NPAS3: variants seen among roughly 807,000 people sequenced by gnomAD.
NPAS3 encodes neuronal PAS domain protein 3.
A neutral mutation model predicts 73.1 loss-of-function variants in NPAS3; 14 were observed. That is an observed-to-expected ratio of 0.19 (90% CI 0.13 to 0.30). The LOEUF (loss-of-function observed/expected upper bound fraction) is 0.30. Among genes scored for constraint, NPAS3 ranks in the 10% least tolerant of loss-of-function variants. NPAS3 has a pLI of 1.00. For synonymous variants in NPAS3, 620 were observed against 541.5 expected, an observed-to-expected ratio of 1.14 and a Z score of -2.01; for missense variants, 1,096 against 1,250.0, an observed-to-expected ratio of 0.88 and a Z score of 1.86.
At chr14:33,577,462 C>T (rs757446261) in intron 5 of NPAS3, among the ~76,000 whole-genome samples, 1 of 152,116 alleles carries the variant, frequency 6.6e-6, no homozygotes, top group Non-Finnish European at 1.5e-5. Context: ...TTTCAGAGCA[C>T]GTTCCTATAC....
rs1326718502 is a variant in NPAS3, at chr14:33,069,047, T to C, written c.140+13053T>C. 2.6e-5 allele frequency among the ~76,000 whole-genome samples: 4 copies of C among 152,072 alleles called. No homozygotes were observed. In the South Asian group the frequency reaches 6.2e-4, roughly 24 times the overall value. Reference sequence around the variant, plus strand: ...GAGACCTAACTGATTTTAGTATCAGTCTAGTTACTGGCTGAGCATATGCTT... The same window carrying C: ...GAGACCTAACTGATTTTAGTATCAGCCTAGTTACTGGCTGAGCATATGCTT... On this transcript the variant is annotated intron_variant, in intron 2 of 11. Transcript: ENST00000356141.
intron 2 of NPAS3, among the ~76,000 whole-genome samples, chr14:33,198,967 C>T (rs1396556011): frequency 6.6e-6 from 1 of 152,216 alleles, no homozygotes; most frequent in Non-Finnish European, 1.5e-5. Flanking sequence ...GTCTCTGCAG[C>T]TGCTGGCCCA....
At chr14:33,211,300 G>C (rs28589897) in intron 2 of NPAS3, among the ~76,000 whole-genome samples, 32,313 of 152,126 alleles carry the variant, frequency 0.21, 3,862 homozygotes, top group South Asian at 0.38. Context: ...TAGACATTAG[G>C]CTGGGCGTGG....
At chr14:33,495,084 A>G (rs2052104675) in intron 4 of NPAS3, among the ~76,000 whole-genome samples, 2 of 152,030 alleles carry the variant, frequency 1.3e-5, no homozygotes, top group Admixed American at 1.3e-4. Context: ...TCGATTTTAG[A>G]TCTTTCCTGC....
chr14:33,169,150 C>G (rs745995208), intron 2 of NPAS3, among the ~76,000 whole-genome samples: 1 of 152,172 alleles, frequency 6.6e-6, no homozygotes, highest in Admixed American at 6.5e-5. Context: ...ATAGCTTTTC[C>G]TTTTTTCTAA....
chr14:33,080,098 AT>A (rs2041817914), intron 2 of NPAS3, among the ~76,000 whole-genome samples: 2 of 151,934 alleles, frequency 1.3e-5, no homozygotes, highest in South Asian at 4.2e-4. Context: ...GTCCAATCTG[AT>A]TTTTATTTTA....
chr14:33,733,655 T>C (rs1161242729), intron 6 of NPAS3, among the ~76,000 whole-genome samples: 1 of 152,192 alleles, frequency 6.6e-6, no homozygotes, highest in Non-Finnish European at 1.5e-5. Context: ...AAAAATTTCA[T>C]AGTAATTCAT....
intron 1 of NPAS3, among the ~76,000 whole-genome samples, chr14:32,987,823 G>C (rs182337426): frequency 6.6e-4 from 100 of 151,964 alleles, no homozygotes; most frequent in Non-Finnish European, 4.1e-4. Flanking sequence ...ACTCTTCTTA[G>C]CTATTACCAT....
intron 6 of NPAS3, among the ~76,000 whole-genome samples, chr14:33,678,754 G>GAA (rs33960834): frequency 0.025 from 3,624 of 146,296 alleles, 121 homozygotes; most frequent in East Asian, 0.081. Flanking sequence ...GACTTTGGGA[G>GAA]AAAAAAAAAA....
intron 2 of NPAS3, among the ~76,000 whole-genome samples, chr14:33,116,015 A>G (rs933073027): frequency 2.0e-5 from 3 of 152,118 alleles, no homozygotes; most frequent in Non-Finnish European, 4.4e-5. Context: ...ATTATTTGCA[A>G]TACACAGATG....
intron 4 of NPAS3, among the ~76,000 whole-genome samples, chr14:33,380,184 G>C (rs1009207707): frequency 5.9e-5 from 9 of 152,100 alleles, no homozygotes; most frequent in African/African-American, 2.2e-4. Flanking sequence ...AGGAACAGCT[G>C]ATTTTAAGAG....
At chr14:33,405,980 T>A (rs902408099) in intron 4 of NPAS3, among the ~76,000 whole-genome samples, 12 of 152,098 alleles carry the variant, frequency 7.9e-5, no homozygotes, top group African/African-American at 2.4e-4. Flanking sequence ...AATTTTTTTT[T>A]AAAAGGAACA....
chr14:33,536,583 T>A (rs778330057), intron 4 of NPAS3, among the ~76,000 whole-genome samples: 1 of 152,160 alleles, frequency 6.6e-6, no homozygotes, highest in Non-Finnish European at 1.5e-5. Context: ...AATGGGAGAT[T>A]CAAGGCTAAA....
intron 3 of NPAS3, among the ~76,000 whole-genome samples, chr14:33,331,767 T>G (rs1434973259): frequency 6.6e-6 from 1 of 152,220 alleles, no homozygotes; most frequent in Admixed American, 6.5e-5. Context: ...TTTTTGACTC[T>G]TCAGAGAGAC....
At position 33,470,931 on chromosome 14, in the gene NPAS3, T is replaced by C. The variant is rs61974983; in HGVS notation, c.469-89190T>C. ...GCTGATGCGGGATTTGTAGAGCATA[T>C]TTAAAAAAAAAAAAAAAGAATGTTC... On this transcript the variant is annotated intron_variant, in intron 4 of 11. Transcript: ENST00000356141. 4.1e-3 allele frequency among the ~76,000 whole-genome samples: 411 copies of C among 100,312 alleles called. 10 individuals carry two copies. The highest frequency in any genetic ancestry group is 0.034 in the Admixed American group (363 of 10,622). 65.8% of individuals were successfully genotyped at this position (100,312 alleles called of 152,430 possible).
Position 33,799,933 on chromosome 14 carries a change from G to C in NPAS3, c.1626G>C (p.Ala542=), listed in dbSNP as rs201719983. The change falls in exon 12 of 12, where the codon GCG becomes GCC. Residue 542 remains alanine, a synonymous_variant. Transcript: ENST00000356141. ...ACTCGGACTTTGAGAACCCCAAGGCGGGCGAGGACGGCTTCGGTGCTCTGG... is the reference window on the plus strand; with the variant it reads ...ACTCGGACTTTGAGAACCCCAAGGCCGGCGAGGACGGCTTCGGTGCTCTGG... The C allele has an allele frequency of 5.0e-6, 8 of 1,614,118 alleles. No homozygotes were observed. In the East Asian group the frequency reaches 1.8e-4, roughly 36 times the overall value.
intron 4 of NPAS3, among the ~76,000 whole-genome samples, chr14:33,413,067 T>C (rs541507870): frequency 6.6e-6 from 1 of 152,284 alleles, no homozygotes; most frequent in East Asian, 1.9e-4. Context: ...GTATGAAAGC[T>C]TGCCAATTTA....
chr14:33,705,532 T>C (rs950718938), intron 6 of NPAS3, among the ~76,000 whole-genome samples: 1 of 152,234 alleles, frequency 6.6e-6, no homozygotes, highest in African/African-American at 2.4e-5. Context: ...AAGACTTTCT[T>C]TTGTTGCAAA....
At chr14:33,669,704 G>A (rs912682488) in intron 5 of NPAS3, among the ~76,000 whole-genome samples, 1 of 152,056 alleles carries the variant, frequency 6.6e-6, no homozygotes, top group Non-Finnish European at 1.5e-5. Context: ...AAATAACTGG[G>A]CCCAATGAGT....
Sources: gnomAD v4.1 joint callset for allele counts (sites outside exome capture counted in the v4.1 genomes callset) on GRCh38, gnomAD v4.1.1 for gene constraint, MANE v1.5 for transcripts, NCBI Gene and HGNC (gene_info 2026-07-23, HGNC 2026-07-21) for gene names.